The following TRPM2 variants were observed in gnomAD, a reference collection of about 807,000 sequenced individuals.
The protein encoded by TRPM2 is transient receptor potential cation channel subfamily M member 2.
Under a neutral mutation model 174.0 loss-of-function variants are expected in TRPM2, and 161 were observed. The ratio of observed to expected loss-of-function variants is 0.93; its 90% CI spans 0.81 to 1.05. The LOEUF (loss-of-function observed/expected upper bound fraction) is 1.05, where lower values mean the gene tolerates loss of function less well. Ranked by LOEUF, TRPM2 falls within the 50% of genes least tolerant of loss-of-function variation. The pLI is 0.00. For synonymous variants in TRPM2, 954 were observed against 861.3 expected, an observed-to-expected ratio of 1.11 and a Z score of -1.88; for missense variants, 2,057 against 2,038.0, an observed-to-expected ratio of 1.01 and a Z score of -0.18.
intron 22 of TRPM2, 80 bp downstream of exon 22, chr21:44,418,635 T>TTC (rs1166573877): frequency 2.8e-5 from 43 of 1,562,952 alleles, no homozygotes; most frequent in Non-Finnish European, 2.9e-5. Flanking sequence ...TGAGTACATG[T>TTC]CCCACCTGGG....
At chr21:44,418,658 T>C (rs2050403331) in intron 22 of TRPM2, 103 bp downstream of exon 22, 3 of 1,424,686 alleles carry the variant, frequency 2.1e-6, no homozygotes, top group Non-Finnish European at 2.9e-6. Flanking sequence ...GGCCCAGCAA[T>C]GCCTCACCGG....
At chr21:44,382,072 G>A (rs989729368) in intron 8 of TRPM2, among the ~76,000 whole-genome samples, 7 of 151,906 alleles carry the variant, frequency 4.6e-5, no homozygotes, top group Non-Finnish European at 8.8e-5. Flanking sequence ...GTGGGTGTGT[G>A]TATGGATGGA....
chr21:44,401,766 A>G lies in TRPM2; in HGVS notation c.2407A>G (p.Ile803Val). ...ACCCGTGGTGGTCTTCCACCTGAAC[A>G]TCCTCTCCTACTTCGCCTTCCTCTG... Reference protein sequence around the residue: ...TAPVVVFHLNILSYFAFLCLF... With the variant: ...TAPVVVFHLNVLSYFAFLCLF... The change falls in exon 16 of 32, where the codon ATC (isoleucine) becomes GTC (valine). Residue 803 changes from isoleucine to valine, a missense_variant. Physicochemically the swap from Ile to Val is conservative, Grantham distance 29. Coordinates refer to ENST00000397928, the MANE Select transcript of TRPM2 (RefSeq NM_003307.4). The G allele has an allele frequency of 6.2e-7, 1 of 1,613,582 alleles. No individual in the cohort carries two copies. Among genetic ancestry groups the G allele is most frequent in the Non-Finnish European group, 8.5e-7 (1 of 1,179,980 alleles).
chr21:44,391,735 A>G lies in TRPM2; in HGVS notation c.1794+110A>G, dbSNP rs564027141. ...CTTTTATTTTTATTAGAAAAGACAC[A>G]TGCTCTATCTTAGGCTGCTTGGGCT... On this transcript the variant is annotated intron_variant, in intron 11 of 31. Transcript: ENST00000397928. The surrounding 1 kb of genome is among the most constrained non-coding windows in gnomAD (Gnocchi z 5.0). 2 of 1,067,850 alleles carry G rather than the reference A, an allele frequency of 1.9e-6. No homozygotes were observed. 66.1% of individuals were successfully genotyped at this position (1,067,850 alleles called of 1,614,324 possible).
intron 9 of TRPM2, among the ~76,000 whole-genome samples, chr21:44,390,044 T>A (rs2049125985): frequency 6.6e-6 from 1 of 152,066 alleles, no homozygotes; most frequent in Non-Finnish European, 1.5e-5. Context: ...GGCTAATTTT[T>A]TGTATTTTTA....
Position 44,423,749 on chromosome 21 carries a change from G to A in TRPM2, c.3549+17G>A, listed in dbSNP as rs1257327118. On this transcript the variant is annotated intron_variant, in intron 23 of 31. Coordinates refer to ENST00000397928, the MANE Select transcript of TRPM2 (RefSeq NM_003307.4). ...GAGGAGCAGGTGGGTCCGAGGTCGG[G>A]GCCTCCGTCAGGAGGTGCCACTGCT... The A allele has an allele frequency of 1.9e-6, 3 of 1,588,568 alleles. No homozygotes were observed. Among genetic ancestry groups the A allele is most frequent in the Non-Finnish European group, 2.6e-6 (3 of 1,169,790 alleles).
intron 2 of TRPM2, among the ~76,000 whole-genome samples, chr21:44,362,993 C>T (rs572221599): frequency 3.9e-5 from 6 of 152,138 alleles, no homozygotes; most frequent in South Asian, 2.1e-4. Context: ...ATGTTGGTCT[C>T]GAACTCCTGA....
chr21:44,425,552 G>A (rs955089882), intron 24 of TRPM2, 118 bp from the exon 25 acceptor site: 13 of 1,258,536 alleles, frequency 1.0e-5, no homozygotes, highest in Non-Finnish European at 1.3e-5. Context: ...ATTTGGGCTC[G>A]GGGAGGTGGA....
rs563348892 is a variant in TRPM2 at position 44,399,778 on chromosome 21, C to A, written c.2208+337C>A. On this transcript the variant is annotated intron_variant, in intron 14 of 31. Coordinates refer to ENST00000397928, the MANE Select transcript of TRPM2 (RefSeq NM_003307.4). This position sits in a 1 kb window ranked among gnomAD's most constrained non-coding sequence, Gnocchi z 4.6. ...TCTCCCTGGAGGGATAAGCGGGACA[C>A]GGCGTGTCCTCCCTGGAGCAGCAGG... is the stretch of plus-strand genomic sequence containing the variant. Among the ~76,000 whole-genome samples the A allele has an allele frequency of 6.6e-6, 1 of 152,162 alleles. No homozygotes were observed. The highest frequency in any genetic ancestry group is 1.5e-5 in the Non-Finnish European group (1 of 68,020).
intron 11 of TRPM2, among the ~76,000 whole-genome samples, chr21:44,393,687 T>C (rs1555893278): frequency 6.6e-6 from 1 of 152,060 alleles, no homozygotes; most frequent in Non-Finnish European, 1.5e-5. Flanking sequence ...TTGGTAATAG[T>C]TCTAGTAACT....
Position 44,395,490 on chromosome 21 carries a change from A to C in TRPM2, c.1871A>C (p.Asp624Ala). The C allele has an allele frequency of 6.2e-7, 1 of 1,612,968 alleles. No homozygotes were observed. The highest frequency in any genetic ancestry group is 8.5e-7 in the Non-Finnish European group (1 of 1,179,914). ...HVTFTMDPIR[D>A]LLIWAIVQNR... ...ACCTTCACCATGGACCCCATCCGTG[A>C]CCTTCTCATTTGGGCCATTGTCCAG... Residue 624 changes from aspartate to alanine, a missense_variant, in exon 12 of 32, where the codon GAC (aspartate) becomes GCC (alanine). By Grantham distance (126) the Asp-to-Ala change is moderately radical (BLOSUM62 -2). Coordinates refer to ENST00000397928, the MANE Select transcript of TRPM2 (RefSeq NM_003307.4).
intron 9 of TRPM2, among the ~76,000 whole-genome samples, chr21:44,389,941 C>G (rs73375934): frequency 6.7e-6 from 1 of 149,630 alleles, no homozygotes; most frequent in East Asian, 2.0e-4. Context: ...GGCGCGATCT[C>G]GGATCATTGC....
At chr21:44,407,602 C>T (rs1399325380) in intron 19 of TRPM2, among the ~76,000 whole-genome samples, 2 of 151,792 alleles carry the variant, frequency 1.3e-5, no homozygotes, top group African/African-American at 2.4e-5. Context: ...CTCACAGTCA[C>T]TCCCGTTCCC....
rs766262958 is a variant in TRPM2, at chr21:44,438,648, G to A, written c.4168-419G>A. Among the ~76,000 whole-genome samples, 7 of 152,180 alleles carry A rather than the reference G, an allele frequency of 4.6e-5. No homozygotes were observed. The highest frequency in any genetic ancestry group is 1.2e-4 in the African/African-American group (5 of 41,444). On this transcript the variant is annotated intron_variant, in intron 29 of 31. Coordinates refer to ENST00000397928, the MANE Select transcript of TRPM2 (RefSeq NM_003307.4). The surrounding 1 kb of genome is among the most constrained non-coding windows in gnomAD (Gnocchi z 5.9). ...AGCCCAGCCAGCCGCAGCACAGGCCGGGGTGGGACTGGGAGAGACGGGAAT... is the reference window on the plus strand; with the variant it reads ...AGCCCAGCCAGCCGCAGCACAGGCCAGGGTGGGACTGGGAGAGACGGGAAT...
In TRPM2 at chr21:44,386,716, AT is replaced by A. The variant is rs199604807; in HGVS notation, c.1318+3909del. On this transcript the variant is annotated intron_variant, in intron 9 of 31. Transcript: ENST00000397928. ...TGCAATTCCTATCAAAACCCCAGTGATTTTTTTTTTTTTGCAGAAATAGAAA... is the reference window on the plus strand; with the variant it reads ...TGCAATTCCTATCAAAACCCCAGTGATTTTTTTTTTTTGCAGAAATAGAAA... Among the ~76,000 whole-genome samples, 1,376 of 146,200 alleles carry A rather than the reference AT, an allele frequency of 9.4e-3. 22 individuals carry two copies. The highest frequency in any genetic ancestry group is 0.027 in the African/African-American group (1,097 of 40,326).
In TRPM2 at chr21:44,369,193, AG is replaced by A. The variant is rs755758056; in HGVS notation, c.627del (p.Ser210ProfsTer6). ...AQTTGAWIIT[G>X]GSHTGVMKQV... ...CTTCCCCAGGGGCCTGGATCATCACAGGGGGGTCCCACACCGGCGTCATGAA... is the reference window on the plus strand; with the variant it reads ...CTTCCCCAGGGGCCTGGATCATCACAGGGGGTCCCACACCGGCGTCATGAA... On this transcript the variant is annotated frameshift_variant, in exon 5 of 32. Transcript: ENST00000397928. LOFTEE classifies it high-confidence loss of function. The A allele has an allele frequency of 5.0e-6, 8 of 1,610,534 alleles. No individual in the cohort carries two copies. The highest frequency in any genetic ancestry group is 1.3e-5 in the African/African-American group (1 of 74,842).
chr21:44,366,764 T>G lies in TRPM2; in HGVS notation c.434T>G (p.Val145Gly). ...LSQKVKKYVRVSQDTPSSVIY... is the reference protein window; with the variant it reads ...LSQKVKKYVRGSQDTPSSVIY... ...TTCCCTTTCCCGCAGTACGTCCGAG[T>G]CTCCCAGGACACGCCCTCCAGCGTG... Residue 145 changes from valine (V) to glycine (G), a missense_variant, in exon 4 of 32, where the codon GTC becomes GGC. By Grantham distance (109) the Val-to-Gly change is moderately radical. Coordinates refer to ENST00000397928, the MANE Select transcript of TRPM2 (RefSeq NM_003307.4). The surrounding 1 kb of genome is among the most constrained non-coding windows in gnomAD (Gnocchi z 6.0). The G allele has an allele frequency of 1.2e-6, 2 of 1,613,228 alleles. No individual in the cohort carries two copies. Among genetic ancestry groups the G allele is most frequent in the Non-Finnish European group, 1.7e-6 (2 of 1,179,886 alleles).
intron 27 of TRPM2, among the ~76,000 whole-genome samples, chr21:44,434,009 T>G (rs943246929): frequency 1.3e-5 from 2 of 151,898 alleles, no homozygotes; most frequent in African/African-American, 4.8e-5. Context: ...GCCTGGCTGG[T>G]GGCCGCCGGT....
intron 30 of TRPM2, among the ~76,000 whole-genome samples, chr21:44,440,442 G>A (rs8131492): frequency 0.031 from 4,629 of 151,338 alleles, 242 homozygotes; most frequent in African/African-American, 0.1. Flanking sequence ...CAGCACTCCC[G>A]CATCTGCTTC....
Sources: gnomAD v4.1 joint callset for allele counts (sites outside exome capture counted in the v4.1 genomes callset) on GRCh38, gnomAD v4.1.1 for gene constraint, Gnocchi (gnomAD v3.1) non-coding constraint, MANE v1.5 for transcripts, NCBI Gene and HGNC (gene_info 2026-07-23, HGNC 2026-07-21) for gene names.